Variants in HP1BP3 observed in about 807,000 individuals in gnomAD.
HP1BP3 encodes heterochromatin protein 1 binding protein 3.
HP1BP3 carries 12 observed loss-of-function variants against 62.5 expected under a neutral mutation model. That is an observed-to-expected ratio of 0.19 (90% CI 0.12 to 0.31). The LOEUF is 0.31. HP1BP3 is among the 10% of genes least tolerant of loss of function. The probability of loss-of-function intolerance (pLI) is 1.00; values close to 1 mark genes in which losing one functional copy is unlikely to be tolerated. For missense variants in HP1BP3, 502 were observed against 651.8 expected (o/e 0.77, Z 2.50); for synonymous variants, 260 against 237.8 (o/e 1.09, Z -0.86).
Position 20,787,213 on chromosome 1 carries a change from C to T in HP1BP3, c.-119G>A, listed in dbSNP as rs1040740780. 3 of 152,172 alleles carry T rather than the reference C, an allele frequency of 2.0e-5. No homozygotes were observed. The highest frequency in any genetic ancestry group is 1.9e-4 in the South Asian group (1 of 5,232). The allele number at this position is 152,172 out of a possible 1,614,324, so 9.4% of individuals were successfully genotyped here. On this transcript the variant is annotated 5_prime_UTR_variant, in exon 1 of 13. Coordinates refer to ENST00000438032, the MANE Select transcript of HP1BP3 (RefSeq NM_001372052.1). ...GCGTTACCTCTGCGTTCGGCCGGTC[C>T]TGGCGCCCGCGTCCCGCACGGCCTC...
intron 4 of HP1BP3, chr1:20,774,881 G>C (rs943887405): frequency 4.6e-5 from 7 of 152,448 alleles, no homozygotes; most frequent in Admixed American, 3.9e-4. Flanking sequence ...CTACTTGGCA[G>C]GTTGAGGCAG....
chr1:20,777,295 A>G (rs1298041892), intron 3 of HP1BP3, among the ~76,000 whole-genome samples: 1 of 151,966 alleles, frequency 6.6e-6, no homozygotes, highest in African/African-American at 2.4e-5. Context: ...ATAAAAATAA[A>G]AAAAATAAAA....
At chr1:20,784,642 A>C (rs2057735623) in intron 1 of HP1BP3, among the ~76,000 whole-genome samples, 2 of 151,796 alleles carry the variant, frequency 1.3e-5, no homozygotes, top group Admixed American at 1.3e-4. Flanking sequence ...ACACCCAGCT[A>C]ATTTTTTGTA....
chr1:20,763,532 G>A (rs2056602487), intron 8 of HP1BP3, among the ~76,000 whole-genome samples: 1 of 152,132 alleles, frequency 6.6e-6, no homozygotes, highest in African/African-American at 2.4e-5. Flanking sequence ...AGTAAATACT[G>A]GTACTACACT....
chr1:20,746,989 G>A (rs1054252288), intron 11 of HP1BP3, among the ~76,000 whole-genome samples: 12 of 152,136 alleles, frequency 7.9e-5, no homozygotes, highest in Non-Finnish European at 1.8e-4. Flanking sequence ...GCTCCAGCCT[G>A]GGCGATAGAG....
At chr1:20,751,729 T>C (rs1033181262) in intron 9 of HP1BP3, among the ~76,000 whole-genome samples, 1 of 116,942 alleles carries the variant, frequency 8.6e-6, no homozygotes, top group South Asian at 2.7e-4. Context: ...TCTCTAAAAA[T>C]AAATAATAAA....
At chr1:20,758,566 T>C (rs751137402) in intron 8 of HP1BP3, among the ~76,000 whole-genome samples, 3 of 152,098 alleles carry the variant, frequency 2.0e-5, no homozygotes, top group Non-Finnish European at 2.9e-5. Context: ...AAGGATGGTC[T>C]TGATCTTCCG....
Position 20,779,926 on chromosome 1 carries a change from G to C in HP1BP3, c.97-15C>G. ...TCTTCTACCTTCTAAGAAAAGAGAT[G>C]GCCATAATCAAACATGCATTAAAAA... On this transcript the variant is annotated splice_polypyrimidine_tract_variant and intron_variant, in intron 2 of 12. Transcript: ENST00000438032. 6.3e-7 allele frequency: 1 copy of C among 1,590,238 alleles called. No individual in the cohort carries two copies. Among genetic ancestry groups the C allele is most frequent in the South Asian group, 1.1e-5 (1 of 88,526 alleles).
intron 1 of HP1BP3, among the ~76,000 whole-genome samples, chr1:20,782,942 A>C (rs2057640078): frequency 6.7e-6 from 1 of 150,254 alleles, no homozygotes; most frequent in African/African-American, 2.4e-5. Flanking sequence ...GAAAAAACCC[A>C]CACACACAAA....
Position 20,744,821 on chromosome 1 carries a change from C to T in HP1BP3, c.1638G>A (p.Lys546=), listed in dbSNP as rs1205616092. The T allele has an allele frequency of 1.2e-6, 2 of 1,611,328 alleles. No homozygotes were observed. Among genetic ancestry groups the T allele is most frequent in the Non-Finnish European group, 1.7e-6 (2 of 1,179,462 alleles). The change falls in exon 13 of 13, where the codon AAG becomes AAA. Residue 546 remains lysine, a synonymous_variant. Coordinates refer to ENST00000438032, the MANE Select transcript of HP1BP3 (RefSeq NM_001372052.1). The stretch of plus-strand genomic sequence containing the variant: ...TTTACTTTTTCACTCTGAAAGACTT[C>T]TTCATGGTGGATTTGCCCTTGCCCG... The part of the protein sequence containing the change: ...KLPGKGKSTM[K]KSFRVKK
At chr1:20,771,148 T>C in intron 5 of HP1BP3, 75 bp from the exon 6 acceptor site, 1 of 1,287,572 alleles carries the variant, frequency 7.8e-7, no homozygotes, top group South Asian at 1.4e-5. Flanking sequence ...AATAAATTAT[T>C]TTGGAAGTGA....
chr1:20,761,253 G>C (rs896952835), intron 8 of HP1BP3, among the ~76,000 whole-genome samples: 11 of 152,164 alleles, frequency 7.2e-5, no homozygotes, highest in African/African-American at 2.6e-4. Flanking sequence ...CACCATGTTG[G>C]CCAGGCTGGT....
At position 20,767,926 on chromosome 1, in the gene HP1BP3, C is replaced by T. The variant is rs535115214; in HGVS notation, c.655-262G>A. Among the ~76,000 whole-genome samples the T allele has an allele frequency of 9.2e-5, 14 of 152,246 alleles. No homozygotes were observed. The South Asian group carries it at 2.9e-3, about 32-fold the overall frequency. Reference sequence around the variant, plus strand: ...CATCTACAAAATTTTGGGAAGAATGCTACTGTGATACCACGTTAAACAGTT... The same window carrying T: ...CATCTACAAAATTTTGGGAAGAATGTTACTGTGATACCACGTTAAACAGTT... On this transcript the variant is annotated intron_variant, in intron 6 of 12. Transcript: ENST00000438032.
intron 7 of HP1BP3, 132 bp downstream of exon 7, chr1:20,767,452 A>G: frequency 1.4e-6 from 1 of 728,676 alleles, no homozygotes. Context: ...ATTATTTATA[A>G]CTTCCCTAGG....
chr1:20,764,486 C>G (rs2056659830), intron 8 of HP1BP3, among the ~76,000 whole-genome samples: 1 of 151,700 alleles, frequency 6.6e-6, no homozygotes, highest in African/African-American at 2.4e-5. Context: ...TGAGACTGCA[C>G]ATGCCCACCA....
At chr1:20,781,342 G>A (rs1216397128) in intron 1 of HP1BP3, among the ~76,000 whole-genome samples, 1 of 152,110 alleles carries the variant, frequency 6.6e-6, no homozygotes, top group East Asian at 1.9e-4. Flanking sequence ...GGGAATGACA[G>A]TCATGCAACT....
chr1:20,783,183 A>G (rs751133899), intron 1 of HP1BP3, among the ~76,000 whole-genome samples: 16 of 152,162 alleles, frequency 1.1e-4, no homozygotes, highest in Non-Finnish European at 2.2e-4. Context: ...TACATTCATT[A>G]TGTGTGAAGA....
chr1:20,777,536 C>CTT (rs1022093240), intron 3 of HP1BP3, among the ~76,000 whole-genome samples: 10 of 152,048 alleles, frequency 6.6e-5, no homozygotes, highest in Non-Finnish European at 1.3e-4. Context: ...TGGCTCACTG[C>CTT]AACTTCCACC....
intron 12 of HP1BP3, 21 bp downstream of exon 12, chr1:20,745,522 G>T (rs1448837324): frequency 1.2e-6 from 2 of 1,612,504 alleles, no homozygotes; most frequent in African/African-American, 2.7e-5. Context: ...CTCCCCACAA[G>T]GGGTTTTCAC....
Sources: gnomAD v4.1 joint callset for allele counts (sites outside exome capture counted in the v4.1 genomes callset) on GRCh38, gnomAD v4.1.1 for gene constraint, MANE v1.5 for transcripts, NCBI Gene and HGNC (gene_info 2026-07-23, HGNC 2026-07-21) for gene names.